ANKRD28: variants seen among roughly 807,000 people sequenced by gnomAD.
ANKRD28 encodes the protein serine/threonine-protein phosphatase 6 regulatory ankyrin repeat subunit A.
A neutral mutation model predicts 126.5 loss-of-function variants in ANKRD28; 44 were observed. The observed-to-expected ratio is 0.35, with a 90% confidence interval of 0.27 to 0.45. The LOEUF (loss-of-function observed/expected upper bound fraction) is 0.45, where lower values mean the gene tolerates loss of function less well. ANKRD28 is among the 20% of genes least tolerant of loss of function. The pLI, the probability that ANKRD28 is intolerant of heterozygous loss-of-function variation, is 1.00. For synonymous variants in ANKRD28, 442 were observed against 468.5 expected (o/e 0.94, Z 0.73); for missense variants, 1,110 against 1,316.6 (o/e 0.84, Z 2.43).
chr3:15,855,761 C>T (rs1188466854), intron 1 of ANKRD28, among the ~76,000 whole-genome samples: 1 of 152,130 alleles, frequency 6.6e-6, no homozygotes, highest in African/African-American at 2.4e-5. Flanking sequence ...TAGTGGCTGC[C>T]AGGGCTGGGA....
At chr3:15,695,405 T>C (rs538769825) in intron 15 of ANKRD28, among the ~76,000 whole-genome samples, 191 bp from the exon 16 acceptor site, 12 of 152,236 alleles carry the variant, frequency 7.9e-5, no homozygotes, top group Admixed American at 1.3e-4. Context: ...GTCTAAAATT[T>C]TGGTGTGAAT....
intron 1 of ANKRD28, among the ~76,000 whole-genome samples, chr3:15,807,244 T>G (rs1459807826): frequency 6.6e-6 from 1 of 152,180 alleles, no homozygotes; most frequent in East Asian, 1.9e-4. Context: ...AAGCTGACTT[T>G]CCCTGAAATG....
intron 1 of ANKRD28, chr3:15,859,239 G>T: frequency 2.3e-6 from 3 of 1,294,276 alleles, no homozygotes; most frequent in Middle Eastern, 2.2e-4. Flanking sequence ...GCCGTCTCGC[G>T]CAGGTCCCCG....
rs537787514 is a variant in ANKRD28 at position 15,793,465 on chromosome 3, ACT to A, written c.201+1756_201+1757del. Among the ~76,000 whole-genome samples, 52 of 152,258 alleles carry A rather than the reference ACT, an allele frequency of 3.4e-4. 1 individual carries two copies. The South Asian group carries it at 0.01, about 30-fold the overall frequency. ...GATGAGTGAGCTGATGCTCTCAATG[ACT>A]CTGAATTTTTTTTTAATTTAGGATA... On this transcript the variant is annotated intron_variant, in intron 2 of 27. Transcript: ENST00000683139.
intron 27 of ANKRD28, among the ~76,000 whole-genome samples, chr3:15,674,315 G>GTCAAT (rs1163682900): frequency 2.0e-5 from 3 of 152,100 alleles, no homozygotes; most frequent in Non-Finnish European, 4.4e-5. Context: ...TAGAGGTGGA[G>GTCAAT]TCAATAGTAT....
chr3:15,739,164 G>A (rs2075264143), intron 4 of ANKRD28, among the ~76,000 whole-genome samples: 1 of 152,088 alleles, frequency 6.6e-6, no homozygotes, highest in South Asian at 2.1e-4. Flanking sequence ...GGGTCCTGAG[G>A]TGATGTACAT....
chr3:15,762,380 C>T (rs773587895), intron 3 of ANKRD28, among the ~76,000 whole-genome samples: 68 of 152,186 alleles, frequency 4.5e-4, no homozygotes, highest in Non-Finnish European at 5.9e-4. Context: ...CCATAAATTA[C>T]AGGAGCCCTT....
intron 8 of ANKRD28, among the ~76,000 whole-genome samples, chr3:15,719,917 C>A (rs372794646): frequency 1.2e-4 from 19 of 152,204 alleles, no homozygotes; most frequent in African/African-American, 4.6e-4. Context: ...GTCACCCAGG[C>A]TGGAGGGCAG....
chr3:15,808,784 T>C (rs2125876516), intron 1 of ANKRD28, among the ~76,000 whole-genome samples: 1 of 152,298 alleles, frequency 6.6e-6, no homozygotes, highest in South Asian at 2.1e-4. Flanking sequence ...TTTAATTGTT[T>C]CGACCCACTG....
exon 1 of ANKRD28, chr3:15,859,404 G>T: frequency 6.5e-7 from 1 of 1,527,278 alleles, no homozygotes; most frequent in Non-Finnish European, 8.8e-7. Context: ...GGAACGCCAT[G>T]GCGGTCGCCT....
intron 1 of ANKRD28, among the ~76,000 whole-genome samples, chr3:15,850,204 A>ATATATATATATATATAT (rs1553650054): frequency 4.6e-4 from 25 of 54,818 alleles, no homozygotes; most frequent in Admixed American, 9.5e-4. Context: ...AAAAAAAAAA[A>ATATATATATATATATAT]ATATATATAT....
intron 4 of ANKRD28, among the ~76,000 whole-genome samples, chr3:15,744,680 C>T (rs753251878): frequency 6.6e-6 from 1 of 152,164 alleles, no homozygotes; most frequent in Non-Finnish European, 1.5e-5. Flanking sequence ...CATATTTTTA[C>T]AATTGCAAAT....
chr3:15,824,470 AC>A (rs1408155705), intron 1 of ANKRD28, among the ~76,000 whole-genome samples: 1 of 152,192 alleles, frequency 6.6e-6, no homozygotes, highest in African/African-American at 2.4e-5. Flanking sequence ...ATTAAAAAAA[AC>A]AAACTATCAG....
At chr3:15,774,087 T>A (rs1329272006) in intron 2 of ANKRD28, among the ~76,000 whole-genome samples, 1 of 152,128 alleles carries the variant, frequency 6.6e-6, no homozygotes, top group African/African-American at 2.4e-5. Context: ...TCCTGGATAA[T>A]CACATGCCAC....
intron 2 of ANKRD28, among the ~76,000 whole-genome samples, chr3:15,792,252 G>A (rs1317138997): frequency 6.6e-6 from 1 of 151,936 alleles, no homozygotes; most frequent in Non-Finnish European, 1.5e-5. Flanking sequence ...TCAGTGTATC[G>A]AAGAGATCTG....
At chr3:15,766,417 T>A in intron 2 of ANKRD28, 105 bp from the exon 3 acceptor site, 1 of 768,936 alleles carries the variant, frequency 1.3e-6, no homozygotes, top group Non-Finnish European at 2.1e-6. Context: ...AAACCATTAT[T>A]AACTATCAAC....
rs2061394446 is a variant in ANKRD28, at chr3:15,839,800, C to T, written c.27+19577G>A. ...ATATCAACAAAATGAAGGACAAAAA[C>T]CACATAGTCATGTCAACTGATGCTG... On this transcript the variant is annotated intron_variant, in intron 1 of 27. Coordinates refer to the ANKRD28 transcript ENST00000399451. The surrounding 1 kb of genome is among the most constrained non-coding windows in gnomAD (Gnocchi z 4.3). Among the ~76,000 whole-genome samples the T allele has an allele frequency of 1.3e-5, 2 of 152,172 alleles. No homozygotes were observed. Among genetic ancestry groups the T allele is most frequent in the Admixed American group, 1.3e-4 (2 of 15,284 alleles).
At chr3:15,842,769 GGTTT>G (rs2125974894) in intron 1 of ANKRD28, among the ~76,000 whole-genome samples, 1 of 152,022 alleles carries the variant, frequency 6.6e-6, no homozygotes, top group East Asian at 1.9e-4. Context: ...ATAAAAGTTT[GGTTT>G]TTTTGGAATA....
chr3:15,722,551 T>C (rs1407712999), intron 7 of ANKRD28, among the ~76,000 whole-genome samples: 3 of 152,158 alleles, frequency 2.0e-5, no homozygotes, highest in African/African-American at 7.2e-5. Context: ...TTCTGGTGAA[T>C]TATCAAACCT....
Sources: gnomAD v4.1 joint callset for allele counts (sites outside exome capture counted in the v4.1 genomes callset) on GRCh38, gnomAD v4.1.1 for gene constraint, Gnocchi (gnomAD v3.1) non-coding constraint, MANE v1.5 for transcripts, NCBI Gene and HGNC (gene_info 2026-07-23, HGNC 2026-07-21) for gene names.